C1QTNF3: variants seen among roughly 807,000 people sequenced by gnomAD.
C1QTNF3 encodes the protein complement C1q tumor necrosis factor-related protein 3.
A neutral mutation model predicts 32.6 loss-of-function variants in C1QTNF3; 26 were observed. The observed-to-expected ratio is 0.80, with a 90% CI of 0.58 to 1.11. The LOEUF (loss-of-function observed/expected upper bound fraction) is 1.11. C1QTNF3 is among the 50% of genes least tolerant of loss of function. The pLI, the probability that C1QTNF3 is intolerant of heterozygous loss-of-function variation, is 0.00. For synonymous variants in C1QTNF3, 155 were observed against 146.0 expected (o/e 1.06, Z -0.44); for missense variants, 362 against 398.2 (o/e 0.91, Z 0.77).
the C1QTNF3 span, among the ~76,000 whole-genome samples, chr5:34,178,188 G>GGA: frequency 1.3e-5 from 2 of 151,668 alleles, no homozygotes; most frequent in Non-Finnish European, 2.9e-5. Flanking sequence ...GGCTGATGCA[G>GGA]GAGAATTGCT....
At chr5:34,034,810 T>A (rs1201089162) in intron 2 of C1QTNF3, among the ~76,000 whole-genome samples, 1 of 152,174 alleles carries the variant, frequency 6.6e-6, no homozygotes. Context: ...TGACATAGAT[T>A]CCAAGCCAGT....
intron 1 of C1QTNF3, 73 bp from the exon 2 acceptor site, chr5:34,035,831 G>T: frequency 8.9e-7 from 1 of 1,125,624 alleles, no homozygotes; most frequent in Non-Finnish European, 1.3e-6. Flanking sequence ...ATTTCCACTG[G>T]CCTTGGCCCT....
chr5:34,022,563 G>A (rs1220382703), intron 5 of C1QTNF3, among the ~76,000 whole-genome samples: 1 of 152,224 alleles, frequency 6.6e-6, no homozygotes, highest in Non-Finnish European at 1.5e-5. Flanking sequence ...GGGGAGACAT[G>A]TATTGTAAGT....
chr5:34,101,634 C>A, the C1QTNF3 span, among the ~76,000 whole-genome samples: 1 of 151,842 alleles, frequency 6.6e-6, no homozygotes, highest in African/African-American at 2.4e-5. Context: ...CTAAACAGAC[C>A]AGCTCTGCTT....
chr5:34,160,787 A>G, the C1QTNF3 span, among the ~76,000 whole-genome samples: 234 of 152,248 alleles, frequency 1.5e-3, 3 homozygotes, highest in South Asian at 0.048. Context: ...ACAGACTGAT[A>G]ATAATCCCTG....
At chr5:34,164,098 T>C in the C1QTNF3 span, among the ~76,000 whole-genome samples, 2 of 152,092 alleles carry the variant, frequency 1.3e-5, no homozygotes, top group Admixed American at 6.6e-5. Context: ...AAATAGCCTA[T>C]TCAATTAAAA....
At chr5:34,124,521 C>T in the C1QTNF3 span, 1 of 706,228 alleles carries the variant, frequency 1.4e-6, no homozygotes, top group Non-Finnish European at 2.6e-6. Context: ...GGAGGAGGCA[C>T]TACTCACCTG....
At chr5:34,090,457 T>G in the C1QTNF3 span, among the ~76,000 whole-genome samples, 1 of 149,938 alleles carries the variant, frequency 6.7e-6, no homozygotes, top group Non-Finnish European at 1.5e-5. Flanking sequence ...AATTTTTACA[T>G]TTTTAATACC....
the C1QTNF3 span, among the ~76,000 whole-genome samples, chr5:34,171,728 AC>A: frequency 6.6e-6 from 1 of 152,178 alleles, no homozygotes; most frequent in Non-Finnish European, 1.5e-5. Context: ...GGTTTCATTT[AC>A]CTTCAAGCAG....
chr5:34,120,134 T>C, the C1QTNF3 span, among the ~76,000 whole-genome samples: 1 of 152,180 alleles, frequency 6.6e-6, no homozygotes, highest in Non-Finnish European at 1.5e-5. Flanking sequence ...ATAAATAACA[T>C]TTGGTCTAAT....
chr5:34,130,898 T>C, the C1QTNF3 span, among the ~76,000 whole-genome samples: 1 of 152,214 alleles, frequency 6.6e-6, no homozygotes, highest in Non-Finnish European at 1.5e-5. Context: ...GTTCCAAACC[T>C]GAATTTCATT....
chr5:34,157,108 A>C, the C1QTNF3 span, among the ~76,000 whole-genome samples: 1 of 152,280 alleles, frequency 6.6e-6, no homozygotes, highest in East Asian at 1.9e-4. Context: ...ATAATTACTT[A>C]ATCGCTGGGA....
chr5:34,036,881 G>A (rs528325605), intron 1 of C1QTNF3, among the ~76,000 whole-genome samples: 1 of 152,270 alleles, frequency 6.6e-6, no homozygotes, highest in South Asian at 2.1e-4. Context: ...GAACCCAGGA[G>A]GCGGAGGTTG....
the C1QTNF3 span, among the ~76,000 whole-genome samples, chr5:34,117,058 T>A: frequency 6.6e-6 from 1 of 152,036 alleles, no homozygotes; most frequent in Non-Finnish European, 1.5e-5. Context: ...AAACTCATAA[T>A]CTTTGACTTT....
the C1QTNF3 span, among the ~76,000 whole-genome samples, chr5:34,129,152 G>C: frequency 6.6e-6 from 1 of 152,152 alleles, no homozygotes; most frequent in Non-Finnish European, 1.5e-5. Context: ...ATATAAGATG[G>C]CTTGCTTCCC....
the C1QTNF3 span, among the ~76,000 whole-genome samples, chr5:34,145,483 G>T: frequency 1.1e-4 from 17 of 151,850 alleles, no homozygotes; most frequent in Middle Eastern, 3.4e-3. Context: ...TTCTGAAATT[G>T]TATCAGTAAC....
At chr5:34,213,898 G>A in the C1QTNF3 span, among the ~76,000 whole-genome samples, 6 of 137,642 alleles carry the variant, frequency 4.4e-5, no homozygotes, top group African/African-American at 8.2e-5. Flanking sequence ...TGCAACCTCC[G>A]CTTCCAAGGT....
chr5:34,143,530 A>C, the C1QTNF3 span, among the ~76,000 whole-genome samples: 4 of 152,164 alleles, frequency 2.6e-5, no homozygotes. Flanking sequence ...TGCCAGAAAG[A>C]AGAGTCAGGT....
chr5:34,209,198 G>A, the C1QTNF3 span, among the ~76,000 whole-genome samples: 704 of 152,256 alleles, frequency 4.6e-3, 1 homozygote, highest in Admixed American at 6.9e-3. Context: ...TTCCGAAAAT[G>A]AGAATAGCCT....
Sources: allele counts gnomAD v4.1 joint callset (sites outside exome capture counted in the v4.1 genomes callset), GRCh38; gene constraint gnomAD v4.1.1; transcripts MANE v1.5; gene names NCBI Gene and HGNC (gene_info 2026-07-23, HGNC 2026-07-21).